Variants in NNT observed in about 807,000 individuals in gnomAD.
The protein encoded by NNT is NAD(P) transhydrogenase, mitochondrial.
Under a neutral mutation model 104.8 loss-of-function variants are expected in NNT, and 50 were observed. The ratio of observed to expected loss-of-function variants is 0.48; its 90% CI spans 0.38 to 0.60. The LOEUF is 0.60. NNT is among the 20% of genes least tolerant of loss of function. NNT has a pLI of 0.00. For missense variants in NNT, 1,131 were observed against 1,330.7 expected, an observed-to-expected ratio of 0.85 and a Z score of 2.33; for synonymous variants, 461 against 490.4, an observed-to-expected ratio of 0.94 and a Z score of 0.79.
At chr5:43,702,765 G>A in intron 21 of NNT, 29 bp downstream of exon 21, 1 of 1,469,352 alleles carries the variant, frequency 6.8e-7, no homozygotes, top group South Asian at 1.2e-5. Context: ...ATTTCATTCT[G>A]ATAATCAAAG....
Position 43,677,706 on chromosome 5 carries a change from T to G in NNT, c.2795-19T>G. 6.2e-7 allele frequency: 1 copy of G among 1,605,918 alleles called. No individual in the cohort carries two copies. Among genetic ancestry groups the G allele is most frequent in the Non-Finnish European group, 8.5e-7 (1 of 1,172,678 alleles). On this transcript the variant is annotated intron_variant, in intron 18 of 21. Coordinates refer to ENST00000344920, the MANE Select transcript of NNT (RefSeq NM_182977.3). ...AAAATAAAAAACACATTCTTCTGTG[T>G]TCTTAATGTTCCTTGCAGGCTATGG...
In NNT at chr5:43,705,636, A is replaced by G. The variant is rs1183058964; in HGVS notation, c.*1232A>G. The G allele has an allele frequency of 6.6e-6, 1 of 152,148 alleles. No homozygotes were observed. The highest frequency in any genetic ancestry group is 1.5e-5 in the Non-Finnish European group (1 of 67,970). The allele number at this position is 152,148 out of a possible 1,614,324, so 9.4% of individuals were successfully genotyped here. A position where few individuals can be genotyped will look rare whatever the true frequency, so the allele number is the denominator to read the frequency against. The stretch of plus-strand genomic sequence containing the variant: ...AAAAAATTATTAACACATGAAAGAC[A>G]ATCTCTAAACCAGAAAAAGAAGTAG... On this transcript the variant is annotated 3_prime_UTR_variant, in exon 22 of 22. Coordinates refer to ENST00000344920, the MANE Select transcript of NNT (RefSeq NM_182977.3).
chr5:43,613,883 CAT>C (rs536149068), intron 3 of NNT, among the ~76,000 whole-genome samples: 67 of 152,212 alleles, frequency 4.4e-4, no homozygotes, highest in African/African-American at 1.6e-3. Context: ...GTATCAATCA[CAT>C]AGTTTTTTTA....
At chr5:43,608,153 A>G (rs1220029956) in intron 1 of NNT, among the ~76,000 whole-genome samples, 2 of 151,776 alleles carry the variant, frequency 1.3e-5, no homozygotes, top group Admixed American at 6.6e-5. Flanking sequence ...CTGGTCTCGA[A>G]CTCCTGACCT....
chr5:43,628,511 T>C, intron 7 of NNT, 124 bp downstream of exon 7: 1 of 643,668 alleles, frequency 1.6e-6, no homozygotes, highest in Non-Finnish European at 2.4e-6. Context: ...CTTTCTATTA[T>C]AAAAGTACTA....
rs952865750 is a variant in NNT, at chr5:43,659,424, A to G, written c.2634+74A>G. 4.0e-6 allele frequency: 5 copies of G among 1,260,638 alleles called. No individual in the cohort carries two copies. In the Admixed American group the frequency reaches 9.1e-5, roughly 23 times the overall value. 78.1% of individuals were successfully genotyped at this position (1,260,638 alleles called of 1,614,324 possible). A position where few individuals can be genotyped will look rare whatever the true frequency, so the allele number is the denominator to read the frequency against. On this transcript the variant is annotated intron_variant, in intron 17 of 21. Coordinates refer to ENST00000344920, the MANE Select transcript of NNT (RefSeq NM_182977.3). Reference sequence around the variant, plus strand: ...CATGGATGTGCATGTCATTTCTTTTATTACCCATAAAAATGAATATTGTAG... The same window carrying G: ...CATGGATGTGCATGTCATTTCTTTTGTTACCCATAAAAATGAATATTGTAG...
rs746378706 is a variant in NNT, at chr5:43,628,430, C to CT, written c.964+52dup. On this transcript the variant is annotated intron_variant, in intron 7 of 21. Coordinates refer to ENST00000344920, the MANE Select transcript of NNT (RefSeq NM_182977.3). ...CGGTTATTTTAAAAGCACTTTTACT[C>CT]TTTTTTTTTAAAAAAAAGCGAGAGT... The CT allele has an allele frequency of 2.0e-3, 2,797 of 1,392,556 alleles. 2 individuals are homozygous for CT. The highest frequency in any genetic ancestry group is 5.0e-3 in the Middle Eastern group (21 of 4,240). 86.3% of individuals were successfully genotyped at this position (1,392,556 alleles called of 1,614,324 possible).
chr5:43,689,231 C>T (rs1260844699), intron 19 of NNT, among the ~76,000 whole-genome samples: 1 of 151,956 alleles, frequency 6.6e-6, no homozygotes, highest in South Asian at 2.1e-4. Flanking sequence ...TAGATGGGAT[C>T]GTTTGTTTTA....
chr5:43,702,922 G>A (rs1182311234), intron 21 of NNT, among the ~76,000 whole-genome samples, 186 bp downstream of exon 21: 2 of 152,156 alleles, frequency 1.3e-5, no homozygotes, highest in Non-Finnish European at 2.9e-5. Context: ...GAGAACCTGA[G>A]TGAATGCCCT....
intron 7 of NNT, 112 bp from the exon 8 acceptor site, chr5:43,644,080 T>A: frequency 9.7e-7 from 1 of 1,025,662 alleles, no homozygotes; most frequent in Non-Finnish European, 1.4e-6. Flanking sequence ...TTGGAAAGAG[T>A]TAAAATTTCA....
intron 5 of NNT, among the ~76,000 whole-genome samples, chr5:43,623,459 A>C (rs961311001): frequency 6.6e-6 from 1 of 152,194 alleles, no homozygotes; most frequent in East Asian, 1.9e-4. Context: ...CATTAGTTAC[A>C]TTGCTTCAGA....
chr5:43,628,935 GT>G (rs11436190), intron 7 of NNT, among the ~76,000 whole-genome samples: 2,241 of 140,302 alleles, frequency 0.016, 50 homozygotes, highest in African/African-American at 0.055. Flanking sequence ...TGTGTACAAT[GT>G]TTTTTTTTTT....
intron 17 of NNT, among the ~76,000 whole-genome samples, chr5:43,662,159 A>G (rs1740404476): frequency 6.6e-6 from 1 of 152,128 alleles, no homozygotes; most frequent in South Asian, 2.1e-4. Context: ...AGGTTTTTAA[A>G]TTTATAAAGA....
chr5:43,644,279 G>A lies in NNT; in HGVS notation c.1052G>A (p.Gly351Asp). ...GTTGTGGATTTAGCTGCTGAGGCTG[G>A]TGGAAACTTTGAAACCACTAAGCCA... ...SVVVDLAAEA[G>D]GNFETTKPGE... The change falls in exon 8 of 22, where the codon GGT becomes GAT. Residue 351 changes from glycine to aspartate, a missense_variant. Coordinates refer to ENST00000344920, the MANE Select transcript of NNT (RefSeq NM_182977.3). 1 of 1,613,922 alleles carries A rather than the reference G, an allele frequency of 6.2e-7. No homozygotes were observed. The highest frequency in any genetic ancestry group is 8.5e-7 in the Non-Finnish European group (1 of 1,179,960).
At chr5:43,623,222 A>G (rs1750186262) in intron 5 of NNT, among the ~76,000 whole-genome samples, 1 of 152,146 alleles carries the variant, frequency 6.6e-6, no homozygotes, top group African/African-American at 2.4e-5. Context: ...GTGGGTGGCA[A>G]TTTGTAAGCT....
At chr5:43,605,130 T>A (rs1218401831) in intron 1 of NNT, among the ~76,000 whole-genome samples, 1 of 152,196 alleles carries the variant, frequency 6.6e-6, no homozygotes, top group East Asian at 1.9e-4. Context: ...CCTCTTTAGG[T>A]TGGGTGCTTT....
At chr5:43,649,970 C>A (rs1739667014) in intron 11 of NNT, among the ~76,000 whole-genome samples, 1 of 152,172 alleles carries the variant, frequency 6.6e-6, no homozygotes, top group Non-Finnish European at 1.5e-5. Context: ...TATAACATTG[C>A]CATAGGCACA....
intron 17 of NNT, among the ~76,000 whole-genome samples, chr5:43,670,362 A>C (rs1405211356): frequency 6.6e-6 from 1 of 151,806 alleles, no homozygotes; most frequent in African/African-American, 2.4e-5. Flanking sequence ...TAGTTCTTTT[A>C]ATTGTGATGT....
chr5:43,670,362 A>G (rs1405211356), intron 17 of NNT, among the ~76,000 whole-genome samples: 1 of 151,806 alleles, frequency 6.6e-6, no homozygotes, highest in Middle Eastern at 3.2e-3. Context: ...TAGTTCTTTT[A>G]ATTGTGATGT....
Sources: gnomAD v4.1 joint callset for allele counts (sites outside exome capture counted in the v4.1 genomes callset) on GRCh38, gnomAD v4.1.1 for gene constraint, MANE v1.5 for transcripts, NCBI Gene and HGNC (gene_info 2026-07-23, HGNC 2026-07-21) for gene names.